The following MAGI3 variants were observed in gnomAD, a reference collection of about 807,000 sequenced individuals.
MAGI3 encodes membrane associated guanylate kinase, WW and PDZ domain containing 3.
Under a neutral mutation model 121.8 loss-of-function variants are expected in MAGI3, and 43 were observed. The observed-to-expected ratio is 0.35, with a 90% CI of 0.28 to 0.46. The LOEUF (loss-of-function observed/expected upper bound fraction) is 0.46, where lower values mean the gene tolerates loss of function less well. MAGI3 is among the 20% of genes least tolerant of loss of function. The pLI, the probability that MAGI3 is intolerant of heterozygous loss-of-function variation, is 1.00. For synonymous variants in MAGI3, 553 were observed against 639.3 expected, an observed-to-expected ratio of 0.86 and a Z score of 2.04; for missense variants, 1,547 against 1,797.3, an observed-to-expected ratio of 0.86 and a Z score of 2.52.
rs891266530 is a variant in MAGI3, at chr1:113,391,571, T to C, written c.316+222T>C. 1.2e-4 allele frequency among the ~76,000 whole-genome samples: 18 copies of C among 152,184 alleles called. No homozygotes were observed. The highest frequency in any genetic ancestry group is 9.2e-4 in the Admixed American group (14 of 15,286). ...CTTGGCGCGGTTGCTCTGCTAGCTG[T>C]GCTAGCTGTCACAGAATTGCGACTA... On this transcript the variant is annotated intron_variant, in intron 1 of 20. Coordinates refer to ENST00000307546, the MANE Select transcript of MAGI3 (RefSeq NM_001142782.2). The surrounding 1 kb of genome is among the most constrained non-coding windows in gnomAD (Gnocchi z 4.4).
intron 1 of MAGI3, among the ~76,000 whole-genome samples, chr1:113,454,338 G>A (rs1236491177): frequency 1.3e-5 from 2 of 152,120 alleles, no homozygotes; most frequent in Admixed American, 6.5e-5. Flanking sequence ...AAGAGGCAGT[G>A]CAGCTTACTC....
chr1:113,682,160 ATTTT>A (rs11438160), intron 20 of MAGI3: 33 of 1,404,032 alleles, frequency 2.4e-5, no homozygotes, highest in South Asian at 1.0e-4. Flanking sequence ...AACTGCACTG[ATTTT>A]TTTTTTTTTT....
chr1:113,422,248 A>G lies in MAGI3; in HGVS notation c.316+30899A>G, dbSNP rs1652763640. ...TACAGTATAATATCACAGTCAGGATATTGACATTGATACCACCAATCTTAA... is the reference window on the plus strand; with the variant it reads ...TACAGTATAATATCACAGTCAGGATGTTGACATTGATACCACCAATCTTAA... On this transcript the variant is annotated intron_variant, in intron 1 of 20. Transcript: ENST00000307546. This position sits in a 1 kb window ranked among gnomAD's most constrained non-coding sequence, Gnocchi z 4.3. Among the ~76,000 whole-genome samples the G allele has an allele frequency of 6.6e-6, 1 of 152,214 alleles. No individual in the cohort carries two copies. The highest frequency in any genetic ancestry group is 2.4e-5 in the African/African-American group (1 of 41,458).
chr1:113,436,502 A>G (rs1045202313), intron 1 of MAGI3, among the ~76,000 whole-genome samples: 1 of 152,188 alleles, frequency 6.6e-6, no homozygotes, highest in African/African-American at 2.4e-5. Flanking sequence ...GAATCCGTAG[A>G]TCAGCAAGGA....
intron 6 of MAGI3, among the ~76,000 whole-genome samples, chr1:113,602,936 AAAAATC>A (rs1484279238): frequency 6.6e-6 from 1 of 152,054 alleles, no homozygotes; most frequent in Non-Finnish European, 1.5e-5. Flanking sequence ...AAAAAATAAA[AAAAATC>A]AAAGTGTGTG....
At chr1:113,561,697 C>G (rs1284078853) in intron 2 of MAGI3, among the ~76,000 whole-genome samples, 1 of 152,188 alleles carries the variant, frequency 6.6e-6, no homozygotes. Context: ...CCCTTGAAAA[C>G]CAGCACAAGA....
At chr1:113,581,912 A>T (rs1447140430) in intron 3 of MAGI3, among the ~76,000 whole-genome samples, 1 of 152,108 alleles carries the variant, frequency 6.6e-6, no homozygotes, top group Non-Finnish European at 1.5e-5. Context: ...AATGAACAAG[A>T]TTAAAGTGCT....
chr1:113,405,449 C>A, intron 1 of MAGI3, among the ~76,000 whole-genome samples: 1 of 119,876 alleles, frequency 8.3e-6, no homozygotes, highest in African/African-American at 3.2e-5. Flanking sequence ...CTGCATACTG[C>A]CTGGGCAACA....
chr1:113,460,753 G>A (rs1654989452), intron 1 of MAGI3, among the ~76,000 whole-genome samples: 1 of 151,750 alleles, frequency 6.6e-6, no homozygotes, highest in Non-Finnish European at 1.5e-5. Context: ...AGCTTGCAGT[G>A]AACTGAGATT....
At chr1:113,582,415 T>C (rs1570898138) in intron 3 of MAGI3, among the ~76,000 whole-genome samples, 1 of 152,078 alleles carries the variant, frequency 6.6e-6, no homozygotes, top group Non-Finnish European at 1.5e-5. Context: ...TTTTAATTTG[T>C]TCATAAAAAT....
At chr1:113,590,178 G>T (rs1316429364) in intron 4 of MAGI3, among the ~76,000 whole-genome samples, 1 of 152,068 alleles carries the variant, frequency 6.6e-6, no homozygotes, top group Non-Finnish European at 1.5e-5. Context: ...ACACATAAAA[G>T]GACTACATTA....
At chr1:113,467,957 A>G (rs1438209980) in intron 1 of MAGI3, among the ~76,000 whole-genome samples, 1 of 152,112 alleles carries the variant, frequency 6.6e-6, no homozygotes, top group Non-Finnish European at 1.5e-5. Context: ...TGCTAAAATG[A>G]CCTTTCTCAT....
intron 6 of MAGI3, among the ~76,000 whole-genome samples, chr1:113,598,618 C>T (rs1649169965): frequency 6.6e-6 from 1 of 151,854 alleles, no homozygotes; most frequent in Non-Finnish European, 1.5e-5. Flanking sequence ...AAATGATCAA[C>T]AAGAAGATAT....
intron 1 of MAGI3, among the ~76,000 whole-genome samples, chr1:113,399,567 G>T (rs1405108354): frequency 6.6e-6 from 1 of 151,740 alleles, no homozygotes; most frequent in African/African-American, 2.4e-5. Context: ...TGATTTCTAG[G>T]CACTGCTTTT....
intron 1 of MAGI3, among the ~76,000 whole-genome samples, chr1:113,456,680 C>A (rs1654776110): frequency 1.3e-5 from 2 of 152,246 alleles, no homozygotes; most frequent in South Asian, 4.1e-4. Context: ...TGATAAAACT[C>A]AATATTCATT....
At chr1:113,661,984 G>T (rs983869171) in intron 16 of MAGI3, among the ~76,000 whole-genome samples, 2 of 151,994 alleles carry the variant, frequency 1.3e-5, no homozygotes, top group African/African-American at 2.4e-5. Context: ...AGCCTTCCAG[G>T]TTCTCATAAA....
At position 113,534,388 on chromosome 1, in the gene MAGI3, G is replaced by T. The variant is rs114217056; in HGVS notation, c.317-15127G>T. Among the ~76,000 whole-genome samples the T allele has an allele frequency of 2.7e-4, 41 of 152,076 alleles. 3 individuals carry two copies. The East Asian group carries it at 7.5e-3, about 28-fold the overall frequency. ...GATCCTTCTTTCATCTGAGCCTCCCGCCTATCACTCTAGTCATATAATCCC... is the reference window on the plus strand; with the variant it reads ...GATCCTTCTTTCATCTGAGCCTCCCTCCTATCACTCTAGTCATATAATCCC... On this transcript the variant is annotated intron_variant, in intron 1 of 20. Transcript: ENST00000307546.
intron 12 of MAGI3, among the ~76,000 whole-genome samples, chr1:113,647,144 A>C (rs184086424): frequency 6.6e-6 from 1 of 152,334 alleles, no homozygotes; most frequent in Admixed American, 6.5e-5. Flanking sequence ...GTCTTTGAGG[A>C]AGATAAAAGG....
rs764186573 is a variant in MAGI3, at chr1:113,683,496, G to A, written c.3928G>A (p.Glu1310Lys). 1 of 1,613,998 alleles carries A rather than the reference G, an allele frequency of 6.2e-7. No individual in the cohort carries two copies. Among genetic ancestry groups the A allele is most frequent in the Non-Finnish European group, 8.5e-7 (1 of 1,179,904 alleles). ...APSNAEAKLLEGKSRRIAGYT... is the reference protein window; with the variant it reads ...APSNAEAKLLKGKSRRIAGYT... ...ATCAAATGCTGAGGCCAAATTATTA[G>A]AGGGTAAGAGTCGAAGAATAGCAGG... Residue 1310 changes from glutamate (E) to lysine (K), a missense_variant, in exon 21 of 21, where the codon GAG becomes AAG. By Grantham distance (56) the Glu-to-Lys change is moderately conservative. Coordinates refer to ENST00000307546, the MANE Select transcript of MAGI3 (RefSeq NM_001142782.2).
Sources: allele counts gnomAD v4.1 joint callset (sites outside exome capture counted in the v4.1 genomes callset), GRCh38; gene constraint gnomAD v4.1.1; non-coding constraint Gnocchi (gnomAD v3.1); transcripts MANE v1.5; gene names NCBI Gene and HGNC (gene_info 2026-07-23, HGNC 2026-07-21).